SPIN1: variants seen among roughly 807,000 people sequenced by gnomAD.
SPIN1 encodes the protein spindlin-1.
SPIN1 carries 3 observed loss-of-function variants against 26.0 expected under a neutral mutation model. That is an observed-to-expected ratio of 0.12 (90% CI 0.05 to 0.30). The LOEUF is 0.30. Among genes scored for constraint, SPIN1 ranks in the 10% least tolerant of loss-of-function variants. SPIN1 has a pLI of 1.00. For synonymous variants in SPIN1, 101 were observed against 116.5 expected (o/e 0.87, Z 0.86); for missense variants, 126 against 333.4 (o/e 0.38, Z 4.84).
chr9:88,401,340 TTAATAA>T (rs955709915), intron 1 of SPIN1, among the ~76,000 whole-genome samples: 7 of 152,142 alleles, frequency 4.6e-5, no homozygotes, highest in Admixed American at 6.6e-5. Context: ...TGTGCCACTG[TTAATAA>T]TAAGAGGTTG....
intron 1 of SPIN1, among the ~76,000 whole-genome samples, chr9:88,401,417 A>G (rs946782552): frequency 1.3e-5 from 2 of 151,888 alleles, no homozygotes; most frequent in South Asian, 2.1e-4. Flanking sequence ...CAGGACCCAC[A>G]CTCCGCCTGC....
At chr9:88,437,001 G>C (rs375515560) in intron 2 of SPIN1, among the ~76,000 whole-genome samples, 2 of 151,676 alleles carry the variant, frequency 1.3e-5, no homozygotes, top group Non-Finnish European at 2.9e-5. Flanking sequence ...TCCTGACCTC[G>C]TGATCCGCCC....
At chr9:88,467,578 G>A (rs936371711) in intron 4 of SPIN1, among the ~76,000 whole-genome samples, 1 of 152,104 alleles carries the variant, frequency 6.6e-6, no homozygotes, top group Admixed American at 6.6e-5. Flanking sequence ...AGTAGAGAAC[G>A]CATGAACAAC....
intron 5 of SPIN1, among the ~76,000 whole-genome samples, chr9:88,468,990 A>G (rs778654968): frequency 2.6e-5 from 4 of 152,118 alleles, no homozygotes; most frequent in Admixed American, 6.5e-5. Context: ...CCCCAGTGCA[A>G]TTATTTTGAA....
At chr9:88,444,783 C>T (rs1415582969) in intron 2 of SPIN1, among the ~76,000 whole-genome samples, 11 of 151,178 alleles carry the variant, frequency 7.3e-5, no homozygotes, top group African/African-American at 1.2e-4. Context: ...CTCCACCTCC[C>T]GGGTTCACAC....
chr9:88,442,993 G>A (rs1275714353), intron 2 of SPIN1, among the ~76,000 whole-genome samples: 2 of 151,726 alleles, frequency 1.3e-5, no homozygotes, highest in African/African-American at 4.8e-5. Flanking sequence ...GGTGGCACAC[G>A]CCTGTAGTCC....
At chr9:88,421,611 TC>T (rs1827668110) in intron 1 of SPIN1, among the ~76,000 whole-genome samples, 1 of 74,028 alleles carries the variant, frequency 1.4e-5, no homozygotes, top group Non-Finnish European at 2.6e-5. Context: ...GCCAGCCCCC[TC>T]CCCCCGCCCC....
intron 1 of SPIN1, among the ~76,000 whole-genome samples, chr9:88,421,063 T>C (rs932051779): frequency 6.6e-6 from 1 of 152,210 alleles, no homozygotes; most frequent in African/African-American, 2.4e-5. Flanking sequence ...TAATTTTGTC[T>C]TTTGATATTT....
chr9:88,434,693 T>TA (rs1827963847), intron 2 of SPIN1, among the ~76,000 whole-genome samples: 4 of 152,208 alleles, frequency 2.6e-5, no homozygotes, highest in Admixed American at 2.6e-4. Flanking sequence ...TGTGTGGCTG[T>TA]ACCATATTCA....
chr9:88,444,635 G>T (rs1271823587), intron 2 of SPIN1, among the ~76,000 whole-genome samples: 1 of 151,142 alleles, frequency 6.6e-6, no homozygotes, highest in African/African-American at 2.4e-5. Context: ...GATAGTGATG[G>T]TGGTCACTTT....
chr9:88,402,271 G>A (rs570135169), intron 1 of SPIN1, among the ~76,000 whole-genome samples: 4 of 152,166 alleles, frequency 2.6e-5, no homozygotes, highest in Non-Finnish European at 5.9e-5. Context: ...GGGATTGCAG[G>A]TGTGAACTAC....
chr9:88,404,956 G>C (rs562045246), intron 1 of SPIN1, among the ~76,000 whole-genome samples: 7 of 151,356 alleles, frequency 4.6e-5, no homozygotes, highest in African/African-American at 7.3e-5. Context: ...AAGATACTCA[G>C]GATCATCTGT....
At chr9:88,402,887 C>G (rs1827220148) in intron 1 of SPIN1, among the ~76,000 whole-genome samples, 1 of 152,158 alleles carries the variant, frequency 6.6e-6, no homozygotes, top group Non-Finnish European at 1.5e-5. Context: ...AATCTCCGTA[C>G]TGTTTTTCAT....
intron 1 of SPIN1, chr9:88,410,672 G>A (rs1401274605): frequency 1.5e-6 from 2 of 1,337,228 alleles, no homozygotes; most frequent in African/African-American, 1.4e-5. Context: ...TCCTTCGTGG[G>A]TCCAAAATTT....
chr9:88,390,572 G>GA (rs1826897898), intron 1 of SPIN1, among the ~76,000 whole-genome samples: 1 of 152,146 alleles, frequency 6.6e-6, no homozygotes, highest in African/African-American at 2.4e-5. Context: ...TGCTGAGATA[G>GA]CATTTAAATG....
intron 3 of SPIN1, among the ~76,000 whole-genome samples, chr9:88,453,622 G>A (rs920848388): frequency 1.3e-5 from 2 of 152,012 alleles, no homozygotes; most frequent in African/African-American, 2.4e-5. Flanking sequence ...CACCTCCTGG[G>A]TTCAAGCGAT....
chr9:88,422,393 A>G (rs943124442), intron 1 of SPIN1, among the ~76,000 whole-genome samples: 1 of 152,204 alleles, frequency 6.6e-6, no homozygotes, highest in African/African-American at 2.4e-5. Context: ...TGAAGATGGT[A>G]TATCTTTAAA....
intron 3 of SPIN1, among the ~76,000 whole-genome samples, chr9:88,454,210 G>T (rs1212731381): frequency 6.6e-6 from 1 of 151,994 alleles, no homozygotes; most frequent in Non-Finnish European, 1.5e-5. Flanking sequence ...GAATATTTTA[G>T]ACTCTTTCCC....
At chr9:88,428,254 G>A (rs887882174) in intron 2 of SPIN1, among the ~76,000 whole-genome samples, 7 of 152,144 alleles carry the variant, frequency 4.6e-5, no homozygotes, top group African/African-American at 1.7e-4. Context: ...TGGTGCTGAG[G>A]TTTGGGTTTC....
Sources: gnomAD v4.1 joint callset for allele counts (sites outside exome capture counted in the v4.1 genomes callset) on GRCh38, gnomAD v4.1.1 for gene constraint, MANE v1.5 for transcripts, NCBI Gene and HGNC (gene_info 2026-07-23, HGNC 2026-07-21) for gene names.